GNG7: variants seen among roughly 807,000 people sequenced by gnomAD.
GNG7 encodes the protein guanine nucleotide-binding protein G(I)/G(S)/G(O) subunit gamma-7.
GNG7 carries 1 observed loss-of-function variant against 4.0 expected under a neutral mutation model. The observed-to-expected ratio is 0.25, with a 90% CI of 0.09 to 1.18. The LOEUF is 1.18. Among genes scored for constraint, GNG7 ranks in the 50% most tolerant of loss-of-function variants. The pLI, the probability that GNG7 is intolerant of heterozygous loss-of-function variation, is 0.50. For missense variants in GNG7, 86 were observed against 91.9 expected, an observed-to-expected ratio of 0.94 and a Z score of 0.26; for synonymous variants, 34 against 36.9, an observed-to-expected ratio of 0.92 and a Z score of 0.29.
intron 2 of GNG7, among the ~76,000 whole-genome samples, chr19:2,644,327 T>TATA (rs1982600107): frequency 1.7e-5 from 2 of 114,432 alleles, no homozygotes; most frequent in African/African-American, 3.3e-5. Context: ...GGCCTACACT[T>TATA]TATATATATA....
chr19:2,560,754 C>T (rs1442409168), intron 2 of GNG7, among the ~76,000 whole-genome samples: 2 of 151,888 alleles, frequency 1.3e-5, no homozygotes, highest in East Asian at 1.9e-4. Context: ...GTCAGGAGTT[C>T]GAGACCAGCC....
chr19:2,544,921 G>A (rs1383117637), intron 3 of GNG7, among the ~76,000 whole-genome samples: 7 of 152,120 alleles, frequency 4.6e-5, no homozygotes. Context: ...AATTATTTGG[G>A]GAAAATGGGG....
At position 2,611,309 on chromosome 19, in the gene GNG7, T is replaced by C. The variant is rs1486476362; in HGVS notation, c.-78+34915A>G. Reference sequence around the variant, plus strand: ...TGGCGAGCGTCTAGACTGCGGTGTTTCTGGGACGCTGGGAGCTGGAGCCAG... The same window carrying C: ...TGGCGAGCGTCTAGACTGCGGTGTTCCTGGGACGCTGGGAGCTGGAGCCAG... On this transcript the variant is annotated intron_variant, in intron 2 of 4. Transcript: ENST00000382159. The surrounding 1 kb of genome is among the most constrained non-coding windows in gnomAD (Gnocchi z 6.0). The C allele has an allele frequency of 6.6e-6, 1 of 152,296 alleles. No individual in the cohort carries two copies. The highest frequency in any genetic ancestry group is 1.5e-5 in the Non-Finnish European group (1 of 68,138). 9.4% of individuals were successfully genotyped at this position (152,296 alleles called of 1,614,324 possible).
intron 2 of GNG7, among the ~76,000 whole-genome samples, chr19:2,573,706 G>A (rs2144783470): frequency 6.6e-6 from 1 of 152,256 alleles, no homozygotes; most frequent in Non-Finnish European, 1.5e-5. Context: ...AGCCAGGCGT[G>A]GTCGTGGGCG....
chr19:2,600,882 C>T (rs561550312), intron 2 of GNG7, among the ~76,000 whole-genome samples: 2 of 152,238 alleles, frequency 1.3e-5, no homozygotes, highest in African/African-American at 2.4e-5. Flanking sequence ...CACAGGTATT[C>T]TCTCTACTTC....
intron 2 of GNG7, among the ~76,000 whole-genome samples, chr19:2,615,469 T>G (rs961922812): frequency 2.8e-5 from 4 of 140,872 alleles, no homozygotes; most frequent in Admixed American, 7.1e-5. Flanking sequence ...TTTTTTTTTT[T>G]TTTTTTTTTT....
At position 2,609,693 on chromosome 19, in the gene GNG7, C is replaced by T. The variant is rs932852549; in HGVS notation, c.-78+36531G>A. Among the ~76,000 whole-genome samples the T allele has an allele frequency of 1.3e-5, 2 of 152,128 alleles. No homozygotes were observed. The highest frequency in any genetic ancestry group is 2.9e-5 in the Non-Finnish European group (2 of 68,022). ...AGAAGAAATCTCTGTTGCTAAAGCCCTCCTCCAGTCTGTGGCTTGAGGTTA... is the reference window on the plus strand; with the variant it reads ...AGAAGAAATCTCTGTTGCTAAAGCCTTCCTCCAGTCTGTGGCTTGAGGTTA... On this transcript the variant is annotated intron_variant, in intron 2 of 4. Transcript: ENST00000382159. The surrounding 1 kb of genome is among the most constrained non-coding windows in gnomAD (Gnocchi z 4.4).
At chr19:2,608,513 G>T (rs1477430519) in intron 2 of GNG7, among the ~76,000 whole-genome samples, 5 of 152,180 alleles carry the variant, frequency 3.3e-5, no homozygotes, top group Admixed American at 3.3e-4. Flanking sequence ...GCAGGCTCAC[G>T]TGTCCCCAGA....
chr19:2,700,682 C>T (rs1913380083), intron 1 of GNG7: 3 of 152,198 alleles, frequency 2.0e-5, no homozygotes, highest in Admixed American at 2.0e-4. Context: ...TAATTCGACC[C>T]TGAGAGGCAC....
chr19:2,670,987 G>A, intron 1 of GNG7, among the ~76,000 whole-genome samples: 1 of 152,114 alleles, frequency 6.6e-6, no homozygotes, highest in East Asian at 1.9e-4. Context: ...CAGGAGCTGG[G>A]GGTCCCCCTG....
At chr19:2,692,941 GT>G (rs945964030) in intron 1 of GNG7, among the ~76,000 whole-genome samples, 1 of 151,440 alleles carries the variant, frequency 6.6e-6, no homozygotes, top group African/African-American at 2.4e-5. Context: ...AGCTGCGATT[GT>G]GCCACTGCAC....
intron 3 of GNG7, among the ~76,000 whole-genome samples, chr19:2,550,730 T>C (rs1360992054): frequency 6.6e-6 from 1 of 152,168 alleles, no homozygotes; most frequent in African/African-American, 2.4e-5. Flanking sequence ...TGCCACATCT[T>C]TTGGTTGCCG....
chr19:2,631,600 A>T (rs1413418090), intron 2 of GNG7, among the ~76,000 whole-genome samples: 2 of 152,230 alleles, frequency 1.3e-5, no homozygotes, highest in Admixed American at 1.3e-4. Flanking sequence ...GCTGTGTGCC[A>T]ATAAAACTTT....
chr19:2,572,071 G>A (rs766142565), intron 2 of GNG7, among the ~76,000 whole-genome samples: 2 of 152,040 alleles, frequency 1.3e-5, no homozygotes, highest in African/African-American at 2.4e-5. Flanking sequence ...CACCAGGCTG[G>A]AGTGCAGTGG....
At chr19:2,525,097 A>G (rs1978349719) in intron 3 of GNG7, among the ~76,000 whole-genome samples, 1 of 152,098 alleles carries the variant, frequency 6.6e-6, no homozygotes. Flanking sequence ...CTGGCCACGC[A>G]CTGAGTCAGC....
intron 3 of GNG7, among the ~76,000 whole-genome samples, chr19:2,524,917 T>C (rs954150452): frequency 6.6e-6 from 1 of 152,162 alleles, no homozygotes; most frequent in Non-Finnish European, 1.5e-5. Flanking sequence ...TGCGTGTGTG[T>C]GCGCACGGGA....
chr19:2,657,990 G>A (rs981759776), intron 1 of GNG7, among the ~76,000 whole-genome samples: 1 of 152,062 alleles, frequency 6.6e-6, no homozygotes, highest in Non-Finnish European at 1.5e-5. Flanking sequence ...ATTGGAGATG[G>A]CTCATACTCC....
chr19:2,571,821 C>G (rs1980158503), intron 2 of GNG7, among the ~76,000 whole-genome samples: 2 of 151,794 alleles, frequency 1.3e-5, no homozygotes, highest in Non-Finnish European at 1.5e-5. Flanking sequence ...GTCTCGAACT[C>G]CTGACCTCAG....
At chr19:2,681,543 AC>A (rs1983736422) in intron 1 of GNG7, among the ~76,000 whole-genome samples, 2 of 152,156 alleles carry the variant, frequency 1.3e-5, no homozygotes, top group East Asian at 3.8e-4. Flanking sequence ...CGCTGGGATC[AC>A]TAGCATTAGC....
Sources: allele counts gnomAD v4.1 joint callset (sites outside exome capture counted in the v4.1 genomes callset), GRCh38; gene constraint gnomAD v4.1.1; non-coding constraint Gnocchi (gnomAD v3.1); transcripts MANE v1.5; gene names NCBI Gene and HGNC (gene_info 2026-07-23, HGNC 2026-07-21).